ZSCAN5A: variants seen among roughly 807,000 people sequenced by gnomAD.
The protein encoded by ZSCAN5A is zinc finger and SCAN domain containing 5A.
In ZSCAN5A, 12 loss-of-function variants were observed where a neutral mutation model predicts 23.7. The observed-to-expected ratio is 0.51, with a 90% confidence interval of 0.32 to 0.82. The LOEUF (loss-of-function observed/expected upper bound fraction) is 0.82, where lower values mean the gene tolerates loss of function less well. Ranked by LOEUF, ZSCAN5A falls within the 40% of genes least tolerant of loss-of-function variation. The pLI is 0.03. For synonymous variants in ZSCAN5A, 257 were observed against 239.9 expected (o/e 1.07, Z -0.66); for missense variants, 597 against 617.9 (o/e 0.97, Z 0.36).
intron 2 of ZSCAN5A, among the ~76,000 whole-genome samples, chr19:56,325,438 T>C (rs147192588): frequency 3.3e-5 from 5 of 152,190 alleles, no homozygotes; most frequent in African/African-American, 1.2e-4. Context: ...AGATTCCAGT[T>C]GTATCTACTG....
At chr19:56,285,526 T>C (rs1375128426) in intron 2 of ZSCAN5A, among the ~76,000 whole-genome samples, 2 of 152,226 alleles carry the variant, frequency 1.3e-5, no homozygotes, top group Non-Finnish European at 2.9e-5. Context: ...CTCTGGTTCA[T>C]GTACATTTAG....
chr19:56,299,617 G>A (rs2040100853), intron 2 of ZSCAN5A, among the ~76,000 whole-genome samples: 1 of 152,158 alleles, frequency 6.6e-6, no homozygotes, highest in African/African-American at 2.4e-5. Flanking sequence ...ATTCCTTGAT[G>A]TTCAAGTCCG....
chr19:56,362,582 A>T (rs543416543), intron 2 of ZSCAN5A, among the ~76,000 whole-genome samples: 44 of 152,094 alleles, frequency 2.9e-4, no homozygotes, highest in African/African-American at 9.6e-4. Context: ...ATAAAATAAA[A>T]AAGATGGCCG....
At chr19:56,256,626 CGGG>C (rs1231304738) in intron 2 of ZSCAN5A, among the ~76,000 whole-genome samples, 1 of 151,988 alleles carries the variant, frequency 6.6e-6, no homozygotes, top group Non-Finnish European at 1.5e-5. Flanking sequence ...TGCAGAAAAA[CGGG>C]GGAGACACTG....
intron 2 of ZSCAN5A, among the ~76,000 whole-genome samples, chr19:56,300,307 G>A (rs1330062521): frequency 3.3e-5 from 5 of 152,242 alleles, no homozygotes; most frequent in Middle Eastern, 3.4e-3. Context: ...ACAACAGCTA[G>A]TCCTCAAGTT....
At position 56,322,098 on chromosome 19, in the gene ZSCAN5A, A is replaced by T. The variant is rs73937237; in HGVS notation, c.-357-5830T>A. 0.014 allele frequency: 10,515 copies of T among 761,522 alleles called. 795 individuals are homozygous for T. In the African/African-American group the frequency reaches 0.16, roughly 12 times the overall value. The allele number at this position is 761,522 out of a possible 1,614,324, so 47.2% of individuals were successfully genotyped here. A position where few individuals can be genotyped will look rare whatever the true frequency, so the allele number is the denominator to read the frequency against. Reference sequence around the variant, plus strand: ...TTTCTTCTCCTCCCATAACAAGGATATCAAATTCAGATATATTTTTGCAAA... The same window carrying T: ...TTTCTTCTCCTCCCATAACAAGGATTTCAAATTCAGATATATTTTTGCAAA... On this transcript the variant is annotated intron_variant, in intron 2 of 6. Transcript: ENST00000587340.
intron 2 of ZSCAN5A, among the ~76,000 whole-genome samples, chr19:56,227,881 CCATCTCTG>C: frequency 6.6e-6 from 1 of 151,994 alleles, no homozygotes; most frequent in Non-Finnish European, 1.5e-5. Context: ...TACCGAGACC[CCATCTCTG>C]CAAAAAAAAA....
chr19:56,346,928 C>T (rs768911960), intron 2 of ZSCAN5A, among the ~76,000 whole-genome samples: 15 of 152,100 alleles, frequency 9.9e-5, no homozygotes, highest in African/African-American at 3.4e-4. Flanking sequence ...GGGGTTTCAC[C>T]GCGTTAGCCA....
chr19:56,301,100 G>A (rs2040199630), intron 2 of ZSCAN5A, among the ~76,000 whole-genome samples: 1 of 152,054 alleles, frequency 6.6e-6, no homozygotes, highest in Non-Finnish European at 1.5e-5. Flanking sequence ...CCCCAGAGAG[G>A]GTTCTTGAAT....
intron 2 of ZSCAN5A, among the ~76,000 whole-genome samples, chr19:56,297,342 T>G (rs913257744): frequency 6.6e-6 from 1 of 152,014 alleles, no homozygotes; most frequent in Non-Finnish European, 1.5e-5. Flanking sequence ...GTTTCTTTTC[T>G]TTTCCTTTCT....
At chr19:56,264,058 A>G (rs1358067659) in intron 2 of ZSCAN5A, among the ~76,000 whole-genome samples, 1 of 150,780 alleles carries the variant, frequency 6.6e-6, no homozygotes, top group African/African-American at 2.5e-5. Flanking sequence ...CAACAGCACT[A>G]TCTTGGCTCA....
chr19:56,262,162 C>T (rs1490101003), intron 2 of ZSCAN5A, among the ~76,000 whole-genome samples: 4 of 151,876 alleles, frequency 2.6e-5, no homozygotes, highest in East Asian at 1.9e-4. Context: ...GGGTTACAGG[C>T]GCCTGCCACC....
intron 2 of ZSCAN5A, among the ~76,000 whole-genome samples, chr19:56,233,558 C>G (rs1483103815): frequency 6.6e-6 from 1 of 151,392 alleles, no homozygotes; most frequent in Non-Finnish European, 1.5e-5. Flanking sequence ...TTGTACCAAA[C>G]CAACTTGAAG....
intron 2 of ZSCAN5A, among the ~76,000 whole-genome samples, chr19:56,357,850 T>G (rs2147465949): frequency 6.7e-6 from 1 of 148,608 alleles, no homozygotes; most frequent in South Asian, 2.2e-4. Context: ...CCCATTGGAC[T>G]GCTGTATTCA....
chr19:56,291,399 A>T (rs1158850072), intron 2 of ZSCAN5A, among the ~76,000 whole-genome samples: 1 of 152,186 alleles, frequency 6.6e-6, no homozygotes, highest in African/African-American at 2.4e-5. Flanking sequence ...AGTCTCAAAG[A>T]AGCATCTCGA....
intron 2 of ZSCAN5A, chr19:56,266,266 T>C (rs2037462276): frequency 6.6e-6 from 1 of 152,204 alleles, no homozygotes; most frequent in Non-Finnish European, 1.5e-5. Context: ...CACCAAGTGA[T>C]AGAGCCCACG....
chr19:56,350,706 T>C (rs1353566945), intron 2 of ZSCAN5A, among the ~76,000 whole-genome samples: 2 of 152,220 alleles, frequency 1.3e-5, no homozygotes, highest in Non-Finnish European at 2.9e-5. Flanking sequence ...CAAACTCTAC[T>C]GTCAGTTATG....
chr19:56,325,583 AG>A (rs1413798324), intron 2 of ZSCAN5A, among the ~76,000 whole-genome samples: 1 of 152,124 alleles, frequency 6.6e-6, no homozygotes, highest in East Asian at 1.9e-4. Flanking sequence ...GAATGCATCC[AG>A]GTTTGTTGTT....
At chr19:56,238,850 TATG>T (rs1568629093) in intron 2 of ZSCAN5A, among the ~76,000 whole-genome samples, 1 of 146,352 alleles carries the variant, frequency 6.8e-6, no homozygotes, top group Admixed American at 6.8e-5. Context: ...GGACATTCCT[TATG>T]AGAACATGAC....
Sources: allele counts gnomAD v4.1 joint callset (sites outside exome capture counted in the v4.1 genomes callset), GRCh38; gene constraint gnomAD v4.1.1; transcripts MANE v1.5; gene names NCBI Gene and HGNC (gene_info 2026-07-23, HGNC 2026-07-21).